Variants in HABP2 observed in about 807,000 individuals in gnomAD.
HABP2 encodes factor VII-activating protease.
In HABP2, 65 loss-of-function variants were observed where a neutral mutation model predicts 66.5. The ratio of observed to expected loss-of-function variants is 0.98; its 90% CI spans 0.80 to 1.20. The LOEUF is 1.20. Ranked by LOEUF, HABP2 falls within the 50% of genes most tolerant of loss-of-function variation. The pLI, the probability that HABP2 is intolerant of heterozygous loss-of-function variation, is 0.00. For missense variants in HABP2, 786 were observed against 691.0 expected (o/e 1.14, Z -1.54); for synonymous variants, 263 against 253.9 (o/e 1.04, Z -0.34).
intron 9 of HABP2, 41 bp downstream of exon 9, chr10:113,582,172 G>A: frequency 6.4e-7 from 1 of 1,565,474 alleles, no homozygotes; most frequent in South Asian, 1.2e-5. Context: ...GGCTTGAGTG[G>A]CTGGGGGTGC....
Position 113,574,937 on chromosome 10 carries a change from GTA to G in HABP2, c.223+534_223+535del, listed in dbSNP as rs537404617. Among the ~76,000 whole-genome samples, 25 of 151,398 alleles carry G rather than the reference GTA, an allele frequency of 1.7e-4. No homozygotes were observed. The South Asian group carries it at 2.5e-3, about 15-fold the overall frequency. ...TCCACAATTGTTAGATTGTGTGTGT[GTA>G]TGTGTGCATATGTGTGTGTGTGTAT... is the stretch of plus-strand genomic sequence containing the variant. On this transcript the variant is annotated intron_variant, in intron 3 of 12. Coordinates refer to ENST00000351270, the MANE Select transcript of HABP2 (RefSeq NM_004132.5).
rs145891602 is a variant in HABP2, at chr10:113,578,048, C to T, written c.471C>T (p.Asn157=). 1.5e-5 allele frequency: 24 copies of T among 1,614,040 alleles called. No individual in the cohort carries two copies. The highest frequency in any genetic ancestry group is 1.9e-5 in the Non-Finnish European group (23 of 1,180,004). Reference sequence around the variant, plus strand: ...CAGTGGTTCCTGTATGCAGGCCAAACCCCTGCCAGAATGGGGCTACCTGCT... The same window carrying T: ...CAGTGGTTCCTGTATGCAGGCCAAATCCCTGCCAGAATGGGGCTACCTGCT... The part of the protein sequence containing the change: ...CSQVVPVCRP[N]PCQNGATCSR... Residue 157 remains asparagine, a synonymous_variant, in exon 6 of 13, where the codon AAC becomes AAT. Transcript: ENST00000351270.
chr10:113,564,146 G>GAC (rs1344929042), intron 1 of HABP2, among the ~76,000 whole-genome samples: 2 of 152,130 alleles, frequency 1.3e-5, no homozygotes, highest in Non-Finnish European at 2.9e-5. Flanking sequence ...CATGGTGGCA[G>GAC]GCAAAACAGT....
chr10:113,559,482 G>A (rs184359082), intron 1 of HABP2, among the ~76,000 whole-genome samples: 2 of 152,340 alleles, frequency 1.3e-5, no homozygotes, highest in African/African-American at 2.4e-5. Flanking sequence ...AGCAAAGATA[G>A]GCCCTGAGTC....
intron 2 of HABP2, among the ~76,000 whole-genome samples, chr10:113,573,449 G>T (rs1175711947): frequency 6.6e-6 from 1 of 152,232 alleles, no homozygotes; most frequent in African/African-American, 2.4e-5. Flanking sequence ...AAGGGTAAGT[G>T]TGGGAGTACC....
At chr10:113,583,130 C>T in intron 9 of HABP2, 86 bp from the exon 10 acceptor site, 1 of 1,139,884 alleles carries the variant, frequency 8.8e-7, no homozygotes, top group Non-Finnish European at 1.3e-6. Flanking sequence ...AATGAGGAGG[C>T]TGAGTCTGCA....
chr10:113,569,434 T>G (rs1442422405), intron 2 of HABP2, among the ~76,000 whole-genome samples: 2 of 152,230 alleles, frequency 1.3e-5, no homozygotes, highest in African/African-American at 2.4e-5. Context: ...TTTGATGGTA[T>G]TTGTCAGCTC....
chr10:113,561,875 T>C (rs1337279388), intron 1 of HABP2, among the ~76,000 whole-genome samples: 1 of 152,168 alleles, frequency 6.6e-6, no homozygotes, highest in Non-Finnish European at 1.5e-5. Flanking sequence ...CAAAATAGAC[T>C]TGATGTATGT....
In HABP2 at chr10:113,578,635, G is replaced by A; in HGVS notation, c.577G>A (p.Asp193Asn). The change falls in exon 7 of 13, where the codon GAC becomes AAC. Residue 193 changes from aspartate (D) to asparagine (N), a missense_variant. Coordinates refer to ENST00000351270, the MANE Select transcript of HABP2 (RefSeq NM_004132.5). ...TACCTGCTCTCTCGGAGGTTCTGAT[G>A]ACTGCTATGTTGGCGATGGCTACTC... ...KGKFCEIGSD[D>N]CYVGDGYSYR... 1 of 1,611,820 alleles carries A rather than the reference G, an allele frequency of 6.2e-7. No homozygotes were observed. Among genetic ancestry groups the A allele is most frequent in the South Asian group, 1.1e-5 (1 of 90,850 alleles).
intron 2 of HABP2, chr10:113,572,624 AT>A: frequency 2.4e-6 from 1 of 414,104 alleles, no homozygotes. Context: ...TTTTTTCCTC[AT>A]TTTCTCCCTC....
Position 113,584,248 on chromosome 10 carries a change from G to A in HABP2, c.1338G>A (p.Glu446=), listed in dbSNP as rs1369025659. ...LPDGSFPSGS[E]CHISGWGVTE... ...ATGGGTCCTTTCCCTCTGGGAGTGA[G>A]TGCCACATCTCTGGCTGGGGTGTTA... Residue 446 remains glutamate (E), a synonymous_variant, in exon 11 of 13, where the codon GAG becomes GAA. Transcript: ENST00000351270. The A allele has an allele frequency of 6.2e-7, 1 of 1,613,970 alleles. No homozygotes were observed. Among genetic ancestry groups the A allele is most frequent in the East Asian group, 2.2e-5 (1 of 44,892 alleles).
chr10:113,552,486 GA>G (rs565525911), upstream of HABP2, among the ~76,000 whole-genome samples: 1 of 151,856 alleles, frequency 6.6e-6, no homozygotes, highest in Non-Finnish European at 1.5e-5. Flanking sequence ...AGCAAAAGGG[GA>G]AAAAATAATT....
chr10:113,575,794 C>G (rs1845396914), intron 3 of HABP2, 103 bp from the exon 4 acceptor site: 1 of 695,896 alleles, frequency 1.4e-6, no homozygotes, highest in Admixed American at 2.2e-5. Flanking sequence ...AGTAGTTACT[C>G]TCTCATTTGG....
chr10:113,580,681 G>C lies in HABP2; in HGVS notation c.827G>C (p.Cys276Ser). 3 of 1,563,004 alleles carry C rather than the reference G, an allele frequency of 1.9e-6. No individual in the cohort carries two copies. The highest frequency in any genetic ancestry group is 2.6e-6 in the Non-Finnish European group (3 of 1,133,474). ...VKWEYCDVSACSAQDVAYPEE... is the reference protein window; with the variant it reads ...VKWEYCDVSASSAQDVAYPEE... ...TGGGAATACTGTGATGTCTCAGCCTGCTCAGCCCAGGGTAAAGGCCATGGC... is the reference window on the plus strand; with the variant it reads ...TGGGAATACTGTGATGTCTCAGCCTCCTCAGCCCAGGGTAAAGGCCATGGC... Residue 276 changes from cysteine to serine, a missense_variant, in exon 8 of 13, where the codon TGC (cysteine) becomes TCC (serine). Coordinates refer to ENST00000351270, the MANE Select transcript of HABP2 (RefSeq NM_004132.5).
upstream of HABP2, among the ~76,000 whole-genome samples, chr10:113,552,081 C>A (rs1394528043): frequency 1.3e-5 from 2 of 152,200 alleles, no homozygotes; most frequent in African/African-American, 4.8e-5. Flanking sequence ...CCCTCCCCGG[C>A]TAGCAACTTG....
chr10:113,584,588 GATC>G (rs1291910793), intron 11 of HABP2, among the ~76,000 whole-genome samples: 1 of 152,220 alleles, frequency 6.6e-6, no homozygotes, highest in Non-Finnish European at 1.5e-5. Flanking sequence ...AAAGAGGAAA[GATC>G]ATGGATTTTT....
chr10:113,579,318 G>T (rs61166516), intron 7 of HABP2, among the ~76,000 whole-genome samples: 1,624 of 152,224 alleles, frequency 0.011, 23 homozygotes, highest in African/African-American at 0.034. Flanking sequence ...TGGGTTGGTG[G>T]TGATGATGGC....
At chr10:113,559,558 C>T (rs947620818) in intron 1 of HABP2, among the ~76,000 whole-genome samples, 2 of 152,216 alleles carry the variant, frequency 1.3e-5, no homozygotes, top group African/African-American at 2.4e-5. Context: ...AGGGCAGAGT[C>T]GCCTGGGCAC....
intron 1 of HABP2, among the ~76,000 whole-genome samples, chr10:113,563,952 G>A (rs1454363974): frequency 6.6e-6 from 1 of 152,164 alleles, no homozygotes; most frequent in Non-Finnish European, 1.5e-5. Flanking sequence ...GGTGATGAGG[G>A]CGAGATTGAA....
Sources: allele counts gnomAD v4.1 joint callset (sites outside exome capture counted in the v4.1 genomes callset), GRCh38; gene constraint gnomAD v4.1.1; transcripts MANE v1.5; gene names NCBI Gene and HGNC (gene_info 2026-07-23, HGNC 2026-07-21).